Variants in ADAMTS20 observed in about 807,000 individuals in gnomAD.
ADAMTS20 encodes A disintegrin and metalloproteinase with thrombospondin motifs 20.
Under a neutral mutation model 260.1 loss-of-function variants are expected in ADAMTS20, and 225 were observed. The observed-to-expected ratio is 0.87, with a 90% CI of 0.78 to 0.97. The LOEUF is 0.97. Ranked by LOEUF, ADAMTS20 falls within the 50% of genes least tolerant of loss-of-function variation. The pLI is 0.00. For synonymous variants in ADAMTS20, 802 were observed against 769.5 expected (o/e 1.04, Z -0.70); for missense variants, 2,400 against 2,337.7 (o/e 1.03, Z -0.55).
intron 28 of ADAMTS20, among the ~76,000 whole-genome samples, chr12:43,405,227 T>TAAAAAAAAAAAAA (rs1565683116): frequency 8.7e-5 from 1 of 11,542 alleles, no homozygotes; most frequent in African/African-American, 2.4e-4. Context: ...ACCTCATCTC[T>TAAAAAAAAAAAAA]ACAAAAAAAA....
intron 28 of ADAMTS20, among the ~76,000 whole-genome samples, chr12:43,422,568 T>A (rs929719055): frequency 1.2e-4 from 18 of 152,068 alleles, no homozygotes; most frequent in Admixed American, 3.3e-4. Flanking sequence ...TAATAATATG[T>A]AAGTACTTCA....
chr12:43,469,789 A>G (rs993098396), intron 7 of ADAMTS20, among the ~76,000 whole-genome samples: 1 of 152,190 alleles, frequency 6.6e-6, no homozygotes, highest in African/African-American at 2.4e-5. Context: ...CCTAGCATTT[A>G]AGGTAGATGT....
Position 43,399,047 on chromosome 12 carries a change from T to G in ADAMTS20, c.4452+19A>C. On this transcript the variant is annotated intron_variant, in intron 29 of 38. Coordinates refer to ENST00000389420, the MANE Select transcript of ADAMTS20 (RefSeq NM_025003.5). ...ATACAAAAAAATACATATATAATTA[T>G]AAAATATACATCATATACCTCATTC... 7.6e-7 allele frequency: 1 copy of G among 1,322,934 alleles called. No homozygotes were observed. Among genetic ancestry groups the G allele is most frequent in the Non-Finnish European group, 9.8e-7 (1 of 1,021,260 alleles). 81.9% of individuals were successfully genotyped at this position (1,322,934 alleles called of 1,614,324 possible). A position where few individuals can be genotyped will look rare whatever the true frequency, so the allele number is the denominator to read the frequency against.
chr12:43,551,820 G>A lies in ADAMTS20; in HGVS notation c.91+11C>T, dbSNP rs776647311. The A allele has an allele frequency of 1.9e-6, 3 of 1,612,816 alleles. No individual in the cohort carries two copies. In the East Asian group the frequency reaches 6.7e-5, roughly 36 times the overall value. On this transcript the variant is annotated intron_variant, in intron 1 of 38. Coordinates refer to ENST00000389420, the MANE Select transcript of ADAMTS20 (RefSeq NM_025003.5). This position sits in a 1 kb window ranked among gnomAD's most constrained non-coding sequence, Gnocchi z 4.6. ...CACTTAGCCGCTGAAGGCGTCTCGCGGTGACTTTACCTTGCCTGGGGTGGA... is the reference window on the plus strand; with the variant it reads ...CACTTAGCCGCTGAAGGCGTCTCGCAGTGACTTTACCTTGCCTGGGGTGGA...
chr12:43,425,835 A>C (rs534821144), intron 27 of ADAMTS20, 145 bp from the exon 28 acceptor site: 1 of 507,260 alleles, frequency 2.0e-6, no homozygotes, highest in East Asian at 3.4e-5. Context: ...TTACTCTAGT[A>C]ATGGTAGCGT....
At position 43,431,419 on chromosome 12, in the gene ADAMTS20, G is replaced by A; in HGVS notation, c.3174C>T (p.Gly1058=). ...CAGGTTTGGTACTTGAATTACAGAA[G>A]CCATCACTCAAGTGATCTACATTCA... The part of the protein sequence containing the change: ...CQLNVDHLSD[G]FCNSSTKPES... Residue 1058 remains glycine, a synonymous_variant, in exon 22 of 39, where the codon GGC becomes GGT. Coordinates refer to ENST00000389420, the MANE Select transcript of ADAMTS20 (RefSeq NM_025003.5). 1 of 1,613,944 alleles carries A rather than the reference G, an allele frequency of 6.2e-7. No homozygotes were observed. Among genetic ancestry groups the A allele is most frequent in the African/African-American group, 1.3e-5 (1 of 75,038 alleles).
intron 2 of ADAMTS20, among the ~76,000 whole-genome samples, chr12:43,547,371 T>G (rs557054162): frequency 1.3e-5 from 2 of 152,030 alleles, no homozygotes; most frequent in East Asian, 3.9e-4. Context: ...GGAAAGGCAA[T>G]GGAGGCAAAG....
intron 31 of ADAMTS20, among the ~76,000 whole-genome samples, chr12:43,379,442 G>A (rs1395596073): frequency 6.6e-6 from 1 of 152,100 alleles, no homozygotes. Context: ...AGCTCAGGAA[G>A]CATCTGAGGA....
intron 29 of ADAMTS20, among the ~76,000 whole-genome samples, chr12:43,385,074 C>T (rs1358144316): frequency 6.6e-6 from 1 of 152,218 alleles, no homozygotes; most frequent in Non-Finnish European, 1.5e-5. Context: ...CTCCCACCAA[C>T]AGTGTAAAAG....
At chr12:43,364,861 T>G (rs1330352196) in intron 37 of ADAMTS20, among the ~76,000 whole-genome samples, 4 of 152,116 alleles carry the variant, frequency 2.6e-5, no homozygotes, top group African/African-American at 9.7e-5. Context: ...AAATAATGAC[T>G]GAAAACTTTC....
At chr12:43,396,994 C>A (rs2137248712) in intron 29 of ADAMTS20, among the ~76,000 whole-genome samples, 1 of 152,300 alleles carries the variant, frequency 6.6e-6, no homozygotes, top group Non-Finnish European at 1.5e-5. Flanking sequence ...CTGGACAGAT[C>A]TGTGGCCGTT....
chr12:43,499,792 G>A (rs1243355790), intron 4 of ADAMTS20, among the ~76,000 whole-genome samples: 2 of 151,566 alleles, frequency 1.3e-5, no homozygotes, highest in Non-Finnish European at 2.9e-5. Context: ...CGTGAGCCAT[G>A]GCGCCTGGCC....
chr12:43,437,806 T>C (rs946961240), intron 18 of ADAMTS20, among the ~76,000 whole-genome samples: 29 of 151,342 alleles, frequency 1.9e-4, no homozygotes, highest in Admixed American at 1.8e-3. Context: ...CCCAGGACAA[T>C]AATGAAGGAA....
intron 37 of ADAMTS20, among the ~76,000 whole-genome samples, chr12:43,359,639 A>AC (rs1444878507): frequency 6.6e-6 from 1 of 152,216 alleles, no homozygotes; most frequent in Non-Finnish European, 1.5e-5. Context: ...GTGTTGGTGA[A>AC]GACAGAGACA....
At chr12:43,501,475 G>GCACA (rs1353322850) in intron 4 of ADAMTS20, among the ~76,000 whole-genome samples, 34 of 59,116 alleles carry the variant, frequency 5.8e-4, no homozygotes, top group African/African-American at 1.6e-3. Flanking sequence ...GCGCGCGCGC[G>GCACA]CGCGCGCACA....
chr12:43,442,482 T>A (rs1941685527), intron 16 of ADAMTS20, among the ~76,000 whole-genome samples: 1 of 152,096 alleles, frequency 6.6e-6, no homozygotes, highest in Admixed American at 6.6e-5. Context: ...GGTCTCGAAC[T>A]CCTGACCTCA....
Position 43,551,698 on chromosome 12 carries a change from T to G in ADAMTS20, c.91+133A>C. 1.1e-6 allele frequency: 1 copy of G among 925,880 alleles called. No homozygotes were observed. The highest frequency in any genetic ancestry group is 1.7e-6 in the Non-Finnish European group (1 of 602,820). 57.4% of individuals were successfully genotyped at this position (925,880 alleles called of 1,614,324 possible). A position where few individuals can be genotyped will look rare whatever the true frequency, so the allele number is the denominator to read the frequency against. ...AGTCGCGACCTCTCCGGCTGACTGG[T>G]CCGGGAGTCCCGGGAGCTCCAGCAG... On this transcript the variant is annotated intron_variant, in intron 1 of 38. Coordinates refer to ENST00000389420, the MANE Select transcript of ADAMTS20 (RefSeq NM_025003.5). This position sits in a 1 kb window ranked among gnomAD's most constrained non-coding sequence, Gnocchi z 4.6.
chr12:43,367,136 AT>A (rs1451179304), intron 37 of ADAMTS20, among the ~76,000 whole-genome samples: 1 of 151,874 alleles, frequency 6.6e-6, no homozygotes, highest in Non-Finnish European at 1.5e-5. Flanking sequence ...ATAAAGAATA[AT>A]TTTTTTGCAA....
intron 2 of ADAMTS20, 67 bp downstream of exon 2, chr12:43,550,842 C>T (rs1943501425): frequency 7.6e-6 from 11 of 1,455,024 alleles, no homozygotes; most frequent in Non-Finnish European, 1.0e-5. Flanking sequence ...AAACCCAAGG[C>T]CCCGTTCGCT....
Sources: allele counts gnomAD v4.1 joint callset (sites outside exome capture counted in the v4.1 genomes callset), GRCh38; gene constraint gnomAD v4.1.1; non-coding constraint Gnocchi (gnomAD v3.1); transcripts MANE v1.5; gene names NCBI Gene and HGNC (gene_info 2026-07-23, HGNC 2026-07-21).